PAK5: variants seen among roughly 807,000 people sequenced by gnomAD.
The protein encoded by PAK5 is serine/threonine-protein kinase PAK 5.
In PAK5, 16 loss-of-function variants were observed where a neutral mutation model predicts 65.9. The ratio of observed to expected loss-of-function variants is 0.24; its 90% CI spans 0.16 to 0.37. PAK5 has a LOEUF of 0.37. Among genes scored for constraint, PAK5 ranks in the 10% least tolerant of loss-of-function variants. The pLI, the probability that PAK5 is intolerant of heterozygous loss-of-function variation, is 1.00. For synonymous variants in PAK5, 371 were observed against 354.9 expected (o/e 1.05, Z -0.51); for missense variants, 785 against 903.9 (o/e 0.87, Z 1.69).
chr20:9,730,040 C>T (rs1053212545), intron 1 of PAK5, among the ~76,000 whole-genome samples: 3 of 70,644 alleles, frequency 4.2e-5, no homozygotes, highest in Non-Finnish European at 8.9e-5. Context: ...AGAATTGTCT[C>T]GAAAAAAAAA....
intron 1 of PAK5, among the ~76,000 whole-genome samples, chr20:9,815,415 C>T (rs1315100726): frequency 1.3e-5 from 2 of 152,124 alleles, no homozygotes; most frequent in African/African-American, 4.8e-5. Context: ...CATGATTAGG[C>T]CTCAGTTGAC....
At chr20:9,708,345 C>T (rs1006812722) in intron 2 of PAK5, among the ~76,000 whole-genome samples, 5 of 151,846 alleles carry the variant, frequency 3.3e-5, no homozygotes, top group African/African-American at 1.2e-4. Flanking sequence ...AATTAAAGAC[C>T]GGAATAACAT....
chr20:9,795,311 A>G (rs2049093094), intron 1 of PAK5, among the ~76,000 whole-genome samples: 1 of 152,158 alleles, frequency 6.6e-6, no homozygotes, highest in Admixed American at 6.6e-5. Context: ...TTTTTCCATT[A>G]AATTGAAAAG....
At chr20:9,590,841 G>A (rs541655779) in intron 3 of PAK5, among the ~76,000 whole-genome samples, 1 of 152,244 alleles carries the variant, frequency 6.6e-6, no homozygotes, top group African/African-American at 2.4e-5. Context: ...AACACTGTTC[G>A]CAAATGAGCT....
intron 3 of PAK5, among the ~76,000 whole-genome samples, chr20:9,615,904 G>A (rs918630459): frequency 1.3e-5 from 2 of 152,174 alleles, no homozygotes; most frequent in African/African-American, 4.8e-5. Flanking sequence ...TCTCCAGCAT[G>A]GAGTTTTCTC....
intron 2 of PAK5, among the ~76,000 whole-genome samples, chr20:9,659,025 T>C (rs2047308132): frequency 1.3e-5 from 2 of 152,108 alleles, no homozygotes; most frequent in African/African-American, 4.8e-5. Context: ...CCCCATATAA[T>C]TGGGTATAAA....
chr20:9,792,033 A>G (rs1053967694), intron 1 of PAK5, among the ~76,000 whole-genome samples: 3 of 152,002 alleles, frequency 2.0e-5, no homozygotes, highest in Non-Finnish European at 2.9e-5. Context: ...CATTGTTCTT[A>G]TTTATTGCCT....
At chr20:9,566,440 C>A (rs1180760475) in intron 4 of PAK5, 56 bp from the exon 5 acceptor site, 2 of 1,531,844 alleles carry the variant, frequency 1.3e-6, no homozygotes, top group African/African-American at 2.7e-5. Context: ...AATGCCACAG[C>A]CGAGTGGTGA....
chr20:9,701,381 A>T lies in PAK5; in HGVS notation c.-12+9905T>A, dbSNP rs536962320. Reference sequence around the variant, plus strand: ...TAAATAAGGAATGTGTGGAGAGGGGACCAGCTGAGCTTGCCTCTGACTAGA... The same window carrying T: ...TAAATAAGGAATGTGTGGAGAGGGGTCCAGCTGAGCTTGCCTCTGACTAGA... On this transcript the variant is annotated intron_variant, in intron 2 of 9. Coordinates refer to ENST00000353224, the MANE Select transcript of PAK5 (RefSeq NM_177990.4). Among the ~76,000 whole-genome samples, 4 of 152,264 alleles carry T rather than the reference A, an allele frequency of 2.6e-5. No homozygotes were observed. In the South Asian group the frequency reaches 8.3e-4, roughly 32 times the overall value.
At chr20:9,706,471 C>CTTTTTTT (rs34420250) in intron 2 of PAK5, among the ~76,000 whole-genome samples, 1 of 125,414 alleles carries the variant, frequency 8.0e-6, no homozygotes, top group Non-Finnish European at 1.7e-5. Context: ...TCTACAAACT[C>CTTTTTTT]TTTTTTTTTT....
chr20:9,585,275 G>T (rs1464568237), intron 3 of PAK5, among the ~76,000 whole-genome samples: 3 of 152,002 alleles, frequency 2.0e-5, no homozygotes, highest in Non-Finnish European at 4.4e-5. Flanking sequence ...CTTAATTTTG[G>T]AAAGAGTCTA....
intron 1 of PAK5, among the ~76,000 whole-genome samples, chr20:9,760,515 C>T (rs1159535700): frequency 6.7e-6 from 1 of 149,000 alleles, no homozygotes; most frequent in Non-Finnish European, 1.5e-5. Flanking sequence ...CTGCTCCTGA[C>T]AGAATGGTCA....
intron 2 of PAK5, among the ~76,000 whole-genome samples, chr20:9,660,710 G>A (rs2047333861): frequency 1.3e-5 from 2 of 152,148 alleles, no homozygotes; most frequent in Admixed American, 1.3e-4. Flanking sequence ...GTTCATTAGA[G>A]TATCTGGCCA....
At chr20:9,651,790 T>C (rs2047206694) in intron 2 of PAK5, among the ~76,000 whole-genome samples, 1 of 151,456 alleles carries the variant, frequency 6.6e-6, no homozygotes, top group African/African-American at 2.4e-5. Flanking sequence ...GAGCAGGAGG[T>C]CACTTATTAG....
chr20:9,774,097 C>T (rs1395555098), intron 1 of PAK5, among the ~76,000 whole-genome samples: 3 of 152,194 alleles, frequency 2.0e-5, no homozygotes, highest in Admixed American at 1.3e-4. Context: ...TTTCTTACAT[C>T]GCCATGGTAA....
At chr20:9,632,831 C>A (rs1329368644) in intron 3 of PAK5, among the ~76,000 whole-genome samples, 2 of 152,146 alleles carry the variant, frequency 1.3e-5, no homozygotes, top group African/African-American at 4.8e-5. Flanking sequence ...GTTTTTCATG[C>A]CCAAACATAC....
At chr20:9,661,744 A>G (rs575788366) in intron 2 of PAK5, among the ~76,000 whole-genome samples, 2 of 152,236 alleles carry the variant, frequency 1.3e-5, no homozygotes, top group East Asian at 3.9e-4. Flanking sequence ...CCTTCATTCT[A>G]AAGGCATTTA....
chr20:9,660,415 C>A (rs932547290), intron 2 of PAK5, among the ~76,000 whole-genome samples: 1 of 151,726 alleles, frequency 6.6e-6, no homozygotes, highest in East Asian at 1.9e-4. Flanking sequence ...TGAAGCCGGG[C>A]ACTGTCCATG....
chr20:9,766,860 A>G (rs1248869737), intron 1 of PAK5, among the ~76,000 whole-genome samples: 1 of 152,114 alleles, frequency 6.6e-6, no homozygotes, highest in Non-Finnish European at 1.5e-5. Context: ...TTGTGAAAAC[A>G]TATCAAGCTA....
Sources: allele counts gnomAD v4.1 joint callset (sites outside exome capture counted in the v4.1 genomes callset), GRCh38; gene constraint gnomAD v4.1.1; transcripts MANE v1.5; gene names NCBI Gene and HGNC (gene_info 2026-07-23, HGNC 2026-07-21).